The following MNAT1 variants were observed in gnomAD, a reference collection of about 807,000 sequenced individuals.
MNAT1 encodes the protein CDK-activating kinase assembly factor MAT1.
Under a neutral mutation model 42.0 loss-of-function variants are expected in MNAT1, and 43 were observed. That is an observed-to-expected ratio of 1.02 (90% CI 0.80 to 1.32). The LOEUF is 1.32. Among genes scored for constraint, MNAT1 ranks in the 40% most tolerant of loss-of-function variants. The probability of loss-of-function intolerance (pLI) is 0.00; values close to 1 mark genes in which losing one functional copy is unlikely to be tolerated. For missense variants in MNAT1, 306 were observed against 350.4 expected, an observed-to-expected ratio of 0.87 and a Z score of 1.01; for synonymous variants, 118 against 120.0, an observed-to-expected ratio of 0.98 and a Z score of 0.11.
chr14:60,740,783 G>T lies in MNAT1; in HGVS notation c.89+5832G>T, dbSNP rs1350112972. Among the ~76,000 whole-genome samples, 2 of 152,106 alleles carry T rather than the reference G, an allele frequency of 1.3e-5. No homozygotes were observed. The highest frequency in any genetic ancestry group is 6.6e-5 in the Admixed American group (1 of 15,254). ...AAAGCTTGCTTATGGTCCAGCATAT[G>T]GCCTGTCTTTGTGAACAATCAGTGT... is the stretch of plus-strand genomic sequence containing the variant. On this transcript the variant is annotated intron_variant, in intron 1 of 7. Coordinates refer to ENST00000261245, the MANE Select transcript of MNAT1 (RefSeq NM_002431.4). This position sits in a 1 kb window ranked among gnomAD's most constrained non-coding sequence, Gnocchi z 4.1.
At chr14:60,743,957 C>CATTTCATTTCATAAAAATATAGTT in intron 1 of MNAT1, among the ~76,000 whole-genome samples, 1 of 151,962 alleles carries the variant, frequency 6.6e-6, no homozygotes, top group Non-Finnish European at 1.5e-5. Flanking sequence ...TTTCATTTCT[C>CATTTCATTTCATAAAAATATAGTT]TGATATTTCC....
chr14:60,753,199 T>C (rs1267425919), intron 1 of MNAT1, among the ~76,000 whole-genome samples: 6 of 152,188 alleles, frequency 3.9e-5, no homozygotes, highest in African/African-American at 1.2e-4. Context: ...TGGCTCAGGG[T>C]GTCTCATGAG....
intron 7 of MNAT1, among the ~76,000 whole-genome samples, chr14:60,883,523 A>G (rs1447859121): frequency 2.0e-5 from 3 of 151,814 alleles, no homozygotes; most frequent in African/African-American, 4.8e-5. Context: ...CTGAAGTTTT[A>G]TATCTTTAAA....
rs180721465 is a variant in MNAT1 at position 60,885,361 on chromosome 14, G to A, written c.809+5526G>A. The stretch of plus-strand genomic sequence containing the variant: ...TTGAGGCTATTTTCTAGATCTTTTA[G>A]GCATGCTTCATTGTTTTTTATTGTT... On this transcript the variant is annotated intron_variant, in intron 7 of 7. Coordinates refer to ENST00000261245, the MANE Select transcript of MNAT1 (RefSeq NM_002431.4). Among the ~76,000 whole-genome samples the A allele has an allele frequency of 4.0e-5, 6 of 151,584 alleles. No homozygotes were observed. In the East Asian group the frequency reaches 1.2e-3, roughly 29 times the overall value.
intron 1 of MNAT1, chr14:60,780,724 T>C (rs541697499): frequency 4.0e-5 from 25 of 625,990 alleles, no homozygotes; most frequent in African/African-American, 3.8e-4. Context: ...TGATACTTAC[T>C]GAACTGTGTG....
intron 2 of MNAT1, among the ~76,000 whole-genome samples, chr14:60,797,201 A>G (rs1184569328): frequency 6.6e-6 from 1 of 152,202 alleles, no homozygotes; most frequent in African/African-American, 2.4e-5. Flanking sequence ...TACATAACCA[A>G]TAATACTTTA....
chr14:60,841,293 G>T (rs1369478204), intron 6 of MNAT1, among the ~76,000 whole-genome samples: 1 of 151,774 alleles, frequency 6.6e-6, no homozygotes, highest in Non-Finnish European at 1.5e-5. Flanking sequence ...TACTTTAGGT[G>T]GCTGCTATTA....
At chr14:60,787,360 C>A (rs2031683479) in intron 1 of MNAT1, among the ~76,000 whole-genome samples, 1 of 152,110 alleles carries the variant, frequency 6.6e-6, no homozygotes, top group Admixed American at 6.5e-5. Context: ...TTAAAATATA[C>A]TTTACTGCTA....
At chr14:60,787,831 C>A (rs953518665) in intron 1 of MNAT1, among the ~76,000 whole-genome samples, 1 of 152,170 alleles carries the variant, frequency 6.6e-6, no homozygotes, top group Non-Finnish European at 1.5e-5. Flanking sequence ...TCAGGCTCCA[C>A]TTCTAATTCT....
intron 6 of MNAT1, among the ~76,000 whole-genome samples, chr14:60,854,431 C>G (rs559889335): frequency 1.3e-5 from 2 of 152,174 alleles, no homozygotes; most frequent in Admixed American, 6.5e-5. Context: ...TCCTCATCGT[C>G]GTGGATTTAT....
chr14:60,940,956 A>G (rs1034562762), intron 7 of MNAT1, among the ~76,000 whole-genome samples: 1 of 152,088 alleles, frequency 6.6e-6, no homozygotes, highest in Non-Finnish European at 1.5e-5. Context: ...AATATTTGAA[A>G]CTCTAGATAA....
At chr14:60,756,050 G>A (rs778543185) in intron 1 of MNAT1, among the ~76,000 whole-genome samples, 2 of 152,162 alleles carry the variant, frequency 1.3e-5, no homozygotes, top group African/African-American at 2.4e-5. Flanking sequence ...CTTCTGAAAC[G>A]TAAATACTTG....
chr14:60,782,190 T>A (rs2031487092), intron 1 of MNAT1, among the ~76,000 whole-genome samples: 1 of 152,064 alleles, frequency 6.6e-6, no homozygotes, highest in African/African-American at 2.4e-5. Flanking sequence ...TCATGAAGTT[T>A]TAGCTTTTTA....
chr14:60,890,217 A>G (rs896894277), intron 7 of MNAT1, among the ~76,000 whole-genome samples: 9 of 152,208 alleles, frequency 5.9e-5, no homozygotes, highest in African/African-American at 1.2e-4. Flanking sequence ...TCCAACAATG[A>G]TAGAGCGGAT....
chr14:60,951,266 C>CT (rs33970682), intron 7 of MNAT1, among the ~76,000 whole-genome samples: 68,811 of 87,980 alleles, frequency 0.78, 28,282 homozygotes, highest in Non-Finnish European at 0.91. Flanking sequence ...CTTCCCCTCC[C>CT]TTTTTTTTTT....
chr14:60,937,662 A>C (rs1002963567), intron 7 of MNAT1, among the ~76,000 whole-genome samples: 1 of 152,162 alleles, frequency 6.6e-6, no homozygotes, highest in Non-Finnish European at 1.5e-5. Flanking sequence ...GTCAGGCAGC[A>C]TGATGCCTCC....
intron 4 of MNAT1, among the ~76,000 whole-genome samples, chr14:60,809,229 A>G (rs565095249): frequency 1.3e-5 from 2 of 152,274 alleles, no homozygotes; most frequent in Non-Finnish European, 2.9e-5. Context: ...TAATCAGTGA[A>G]AAGGATACAA....
At chr14:60,826,206 G>A (rs2139375536) in intron 6 of MNAT1, among the ~76,000 whole-genome samples, 1 of 152,154 alleles carries the variant, frequency 6.6e-6, no homozygotes, top group Non-Finnish European at 1.5e-5. Context: ...TCAGGGAGTG[G>A]AGTAATGTTA....
intron 7 of MNAT1, among the ~76,000 whole-genome samples, chr14:60,958,774 C>T (rs1389335713): frequency 6.6e-6 from 1 of 151,360 alleles, no homozygotes; most frequent in Non-Finnish European, 1.5e-5. Flanking sequence ...GTAGCTGGGA[C>T]TACAGGCGCC....
Sources: allele counts gnomAD v4.1 joint callset (sites outside exome capture counted in the v4.1 genomes callset), GRCh38; gene constraint gnomAD v4.1.1; non-coding constraint Gnocchi (gnomAD v3.1); transcripts MANE v1.5; gene names NCBI Gene and HGNC (gene_info 2026-07-23, HGNC 2026-07-21).